BICD2: variants seen among roughly 807,000 people sequenced by gnomAD.
BICD2 encodes the protein BICD cargo adaptor 2.
In BICD2, 25 loss-of-function variants were observed where a neutral mutation model predicts 72.9. The observed-to-expected ratio is 0.34, with a 90% confidence interval of 0.25 to 0.48. The LOEUF (loss-of-function observed/expected upper bound fraction) is 0.48, where lower values mean the gene tolerates loss of function less well. Ranked by LOEUF, BICD2 falls within the 20% of genes least tolerant of loss-of-function variation. BICD2 has a pLI of 0.99. For missense variants in BICD2, 894 were observed against 1,175.2 expected, an observed-to-expected ratio of 0.76 and a Z score of 3.50; for synonymous variants, 501 against 516.1, an observed-to-expected ratio of 0.97 and a Z score of 0.40.
Position 92,715,287 on chromosome 9 carries a change from T to C in BICD2, c.2435A>G (p.Lys812Arg), listed in dbSNP as rs781609497. 3.1e-6 allele frequency: 5 copies of C among 1,612,826 alleles called. No individual in the cohort carries two copies. The South Asian group carries it at 5.5e-5, about 18-fold the overall frequency. Residue 812 changes from lysine to arginine, a missense_variant, in exon 7 of 7, where the codon AAA (lysine) becomes AGA (arginine). Coordinates refer to ENST00000356884, the MANE Select transcript of BICD2 (RefSeq NM_001003800.2). ...GGCTGGCTTGGTCTTCGGGGCGGCTTTGGCACGGCCACGCCGGGTCTGCTC... is the reference window on the plus strand; with the variant it reads ...GGCTGGCTTGGTCTTCGGGGCGGCTCTGGCACGGCCACGCCGGGTCTGCTC... ...DHEQTRRGRA[K>R]AAPKTKPATP...
Position 92,720,951 on chromosome 9 carries a change from T to C in BICD2, c.607-196A>G, listed in dbSNP as rs923168811. Reference sequence around the variant, plus strand: ...TGCTTCCTCTGCTCAGAGATGTGGATGCTAAGAAGGTTCCAGGGCATGAGA... The same window carrying C: ...TGCTTCCTCTGCTCAGAGATGTGGACGCTAAGAAGGTTCCAGGGCATGAGA... On this transcript the variant is annotated intron_variant, in intron 3 of 6. Coordinates refer to ENST00000356884, the MANE Select transcript of BICD2 (RefSeq NM_001003800.2). The surrounding 1 kb of genome is among the most constrained non-coding windows in gnomAD (Gnocchi z 5.4). 2.0e-5 allele frequency among the ~76,000 whole-genome samples: 3 copies of C among 152,174 alleles called. No homozygotes were observed. The highest frequency in any genetic ancestry group is 2.9e-5 in the Non-Finnish European group (2 of 68,034).
At chr9:92,736,460 G>C (rs1853789899) in intron 1 of BICD2, among the ~76,000 whole-genome samples, 1 of 152,200 alleles carries the variant, frequency 6.6e-6, no homozygotes, top group Non-Finnish European at 1.5e-5. Flanking sequence ...AAATGGGAGG[G>C]ACCCTCAGCT....
At chr9:92,716,666 C>A (rs911808276) in intron 6 of BICD2, among the ~76,000 whole-genome samples, 1 of 152,254 alleles carries the variant, frequency 6.6e-6, no homozygotes, top group African/African-American at 2.4e-5. Context: ...GCTATCCCAA[C>A]ATGACCCAGC....
intron 6 of BICD2, among the ~76,000 whole-genome samples, chr9:92,717,473 A>G (rs1180550390): frequency 5.3e-5 from 8 of 152,376 alleles, no homozygotes; most frequent in Middle Eastern, 3.4e-3. Flanking sequence ...GGCACCTGCC[A>G]GGCATGCCCT....
At chr9:92,751,356 G>A (rs987678557) in intron 1 of BICD2, among the ~76,000 whole-genome samples, 2 of 152,066 alleles carry the variant, frequency 1.3e-5, no homozygotes, top group South Asian at 4.1e-4. Flanking sequence ...TCGTCATGTT[G>A]GCCAGGCTGG....
Position 92,715,061 on chromosome 9 carries a change from A to G in BICD2, c.*93T>C. 1 of 1,481,222 alleles carries G rather than the reference A, an allele frequency of 6.8e-7. No homozygotes were observed. Among genetic ancestry groups the G allele is most frequent in the Non-Finnish European group, 9.0e-7 (1 of 1,114,740 alleles). The allele number at this position is 1,481,222 out of a possible 1,614,324, so 91.8% of individuals were successfully genotyped here. A position where few individuals can be genotyped will look rare whatever the true frequency, so the allele number is the denominator to read the frequency against. ...GACTCCTACCCTCTGTGCATTAGTC[A>G]CGTTAAGATTGACCTAGCACCGCCG... On this transcript the variant is annotated 3_prime_UTR_variant, in exon 7 of 7. Transcript: ENST00000356884.
rs555686783 is a variant in BICD2, at chr9:92,714,341, G to A, written c.*813C>T. ...GGGGTCACCCCAAGTACAAAAGGACGGGCTCTGCACTAAGGACCAAGGTCT... is the reference window on the plus strand; with the variant it reads ...GGGGTCACCCCAAGTACAAAAGGACAGGCTCTGCACTAAGGACCAAGGTCT... On this transcript the variant is annotated 3_prime_UTR_variant, in exon 7 of 7. Coordinates refer to ENST00000356884, the MANE Select transcript of BICD2 (RefSeq NM_001003800.2). 75 of 985,466 alleles carry A rather than the reference G, an allele frequency of 7.6e-5. No individual in the cohort carries two copies. Among genetic ancestry groups the A allele is most frequent in the South Asian group, 7.5e-4 (16 of 21,286 alleles). The allele number at this position is 985,466 out of a possible 1,614,324, so 61.0% of individuals were successfully genotyped here.
intron 1 of BICD2, among the ~76,000 whole-genome samples, chr9:92,742,935 T>G (rs1853927307): frequency 6.6e-6 from 1 of 152,244 alleles, no homozygotes; most frequent in Non-Finnish European, 1.5e-5. Context: ...TATGAACAGA[T>G]CACATTTGTT....
At chr9:92,739,880 T>G (rs184721132) in intron 1 of BICD2, among the ~76,000 whole-genome samples, 1 of 152,194 alleles carries the variant, frequency 6.6e-6, no homozygotes, top group Non-Finnish European at 1.5e-5. Flanking sequence ...AAGGTCTGCA[T>G]GTGCTGTTCA....
At chr9:92,741,904 A>G (rs1402325532) in intron 1 of BICD2, among the ~76,000 whole-genome samples, 1 of 152,254 alleles carries the variant, frequency 6.6e-6, no homozygotes, top group African/African-American at 2.4e-5. Flanking sequence ...CAAGATACCC[A>G]TAAAATCCTC....
intron 1 of BICD2, among the ~76,000 whole-genome samples, chr9:92,731,340 T>C (rs983840257): frequency 1.4e-4 from 22 of 152,184 alleles, no homozygotes; most frequent in Admixed American, 5.2e-4. Flanking sequence ...CCTGGATCTT[T>C]TCCTCTGCTT....
intron 1 of BICD2, among the ~76,000 whole-genome samples, chr9:92,737,860 C>T (rs908326609): frequency 2.0e-5 from 3 of 152,170 alleles, no homozygotes; most frequent in Middle Eastern, 3.2e-3. Flanking sequence ...TGGGGAAGTG[C>T]GCCAGGTGGA....
Position 92,714,389 on chromosome 9 carries a change from T to C in BICD2, c.*765A>G. 2.0e-6 allele frequency: 2 copies of C among 985,470 alleles called. No individual in the cohort carries two copies. The highest frequency in any genetic ancestry group is 2.4e-6 in the Non-Finnish European group (2 of 829,948). 61.0% of individuals were successfully genotyped at this position (985,470 alleles called of 1,614,324 possible). ...TCTGGCCAGGCACTTGGAAAGCTTT[T>C]CTCATGAAAAATGAAAACCTGGGGC... On this transcript the variant is annotated 3_prime_UTR_variant, in exon 7 of 7. Transcript: ENST00000356884.
Position 92,714,930 on chromosome 9 carries a change from G to A in BICD2, c.*224C>T, listed in dbSNP as rs1451693445. The A allele has an allele frequency of 2.9e-6, 4 of 1,364,196 alleles. No homozygotes were observed. Among genetic ancestry groups the A allele is most frequent in the South Asian group, 3.7e-5 (2 of 53,860 alleles). 84.5% of individuals were successfully genotyped at this position (1,364,196 alleles called of 1,614,324 possible). Reference sequence around the variant, plus strand: ...CCCCACCTCTGACCCCCACCTAAGAGAGCAGCTGAGGACTGGGTGCTCCTG... The same window carrying A: ...CCCCACCTCTGACCCCCACCTAAGAAAGCAGCTGAGGACTGGGTGCTCCTG... On this transcript the variant is annotated 3_prime_UTR_variant, in exon 7 of 7. Transcript: ENST00000356884.
At chr9:92,750,890 G>A (rs1854132779) in intron 1 of BICD2, among the ~76,000 whole-genome samples, 1 of 152,052 alleles carries the variant, frequency 6.6e-6, no homozygotes, top group South Asian at 2.1e-4. Flanking sequence ...GGGGAATAAA[G>A]TACTAACTTA....
rs146670622 is a variant in BICD2, at chr9:92,725,038, C to G, written c.454-2230G>C. ...TCAAGATCAACAAACCTAGAAGGTG[C>G]TCCAGGCAGTGGGAAGTGAGAGCCC... On this transcript the variant is annotated intron_variant, in intron 2 of 6. Transcript: ENST00000356884. Among the ~76,000 whole-genome samples, 548 of 152,332 alleles carry G rather than the reference C, an allele frequency of 3.6e-3. 6 individuals carry two copies. Among genetic ancestry groups the G allele is most frequent in the African/African-American group, 0.013 (536 of 41,582 alleles).
intron 1 of BICD2, among the ~76,000 whole-genome samples, chr9:92,756,312 A>AG (rs1854255460): frequency 6.7e-6 from 1 of 150,284 alleles, no homozygotes; most frequent in African/African-American, 2.5e-5. Context: ...CCCAGGCTGG[A>AG]GTGCAGTGGC....
intron 2 of BICD2, among the ~76,000 whole-genome samples, chr9:92,728,776 C>T (rs913498027): frequency 5.9e-5 from 9 of 152,254 alleles, no homozygotes; most frequent in Admixed American, 1.3e-4. Flanking sequence ...TCATGGGACT[C>T]GCTTCATGAG....
In BICD2 at chr9:92,718,683, C is replaced by T. The variant is rs746391061; in HGVS notation, c.1962G>A (p.Gln654=). 89 of 1,614,008 alleles carry T rather than the reference C, an allele frequency of 5.5e-5. No homozygotes were observed. The highest frequency in any genetic ancestry group is 3.3e-4 in the Middle Eastern group (2 of 6,082). Residue 654 remains glutamine (Q), a synonymous_variant, in exon 5 of 7, where the codon CAG becomes CAA. Coordinates refer to ENST00000356884, the MANE Select transcript of BICD2 (RefSeq NM_001003800.2). ...GGCCCAGCTCCTGAGAGGCAATGCG[C>T]TGGCGTGACAGCTCCGTGGTGCGGT... ...AVDRTTELSR[Q]RIASQELGPA... is the part of the protein sequence containing the mutation.
Sources: gnomAD v4.1 joint callset for allele counts (sites outside exome capture counted in the v4.1 genomes callset) on GRCh38, gnomAD v4.1.1 for gene constraint, Gnocchi (gnomAD v3.1) non-coding constraint, MANE v1.5 for transcripts, NCBI Gene and HGNC (gene_info 2026-07-23, HGNC 2026-07-21) for gene names.